The following LDB2 variants were observed in gnomAD, a reference collection of about 807,000 sequenced individuals.
LDB2 encodes the protein LIM domain binding 2, also known as LIM domain-binding protein 2.
Under a neutral mutation model 44.3 loss-of-function variants are expected in LDB2, and 12 were observed. That is an observed-to-expected ratio of 0.27 (90% confidence interval 0.17 to 0.44). LDB2 has a LOEUF of 0.44. Among genes scored for constraint, LDB2 ranks in the 20% least tolerant of loss-of-function variants. The pLI is 1.00. For missense variants in LDB2, 344 were observed against 473.5 expected (o/e 0.73, Z 2.54); for synonymous variants, 164 against 174.8 (o/e 0.94, Z 0.49).
chr4:16,523,053 G>A (rs191854686), intron 5 of LDB2, among the ~76,000 whole-genome samples: 1 of 152,216 alleles, frequency 6.6e-6, no homozygotes. Context: ...GACATTGACT[G>A]TCTATTGTCT....
intron 2 of LDB2, among the ~76,000 whole-genome samples, chr4:16,680,992 C>A (rs189626162): frequency 6.6e-6 from 1 of 152,142 alleles, no homozygotes; most frequent in African/African-American, 2.4e-5. Context: ...AAAGATGCGC[C>A]TCAGGACTAC....
At position 16,739,666 on chromosome 4, in the gene LDB2, ATATACATATGTGTG is replaced by A. The variant is rs1338797258; in HGVS notation, c.235+19478_235+19491del. Among the ~76,000 whole-genome samples, 670 of 90,054 alleles carry A rather than the reference ATATACATATGTGTG, an allele frequency of 7.4e-3. 107 individuals are homozygous for A. The East Asian group carries it at 0.082, about 11-fold the overall frequency. 59.1% of individuals were successfully genotyped at this position (90,054 alleles called of 152,430 possible). On this transcript the variant is annotated intron_variant, in intron 2 of 7. Coordinates refer to ENST00000304523, the MANE Select transcript of LDB2 (RefSeq NM_001290.5). ...TATACATATGTGTGTATATATGTAT[ATATACATATGTGTG>A]TATATATGTATATATACATATATGT...
chr4:16,503,184 A>G (rs1717991456), intron 7 of LDB2: 8 of 1,526,112 alleles, frequency 5.2e-6, no homozygotes, highest in Admixed American at 2.0e-5. Flanking sequence ...CATGCTTTCA[A>G]CTTGCCGACA....
At chr4:16,604,479 TTA>T (rs918253467) in intron 2 of LDB2, among the ~76,000 whole-genome samples, 3 of 149,514 alleles carry the variant, frequency 2.0e-5, no homozygotes, top group African/African-American at 2.4e-5. Context: ...ATATATATTC[TTA>T]TATATATATA....
chr4:16,727,618 GA>G (rs2152692037), intron 2 of LDB2, among the ~76,000 whole-genome samples: 1 of 152,316 alleles, frequency 6.6e-6, no homozygotes, highest in African/African-American at 2.4e-5. Context: ...TTGCTTTGAA[GA>G]GAGGTACTTT....
intron 5 of LDB2, among the ~76,000 whole-genome samples, chr4:16,547,657 C>G (rs916907375): frequency 9.9e-5 from 15 of 152,142 alleles, no homozygotes; most frequent in African/African-American, 3.6e-4. Flanking sequence ...GAACTACTTA[C>G]ACAACCAACC....
intron 1 of LDB2, among the ~76,000 whole-genome samples, chr4:16,826,141 TGATA>T (rs1181415714): frequency 6.6e-6 from 1 of 151,962 alleles, no homozygotes; most frequent in Non-Finnish European, 1.5e-5. Context: ...GAGATAAAGA[TGATA>T]GATATAGATA....
chr4:16,543,652 A>G (rs1734684635), intron 5 of LDB2, among the ~76,000 whole-genome samples: 2 of 152,252 alleles, frequency 1.3e-5, no homozygotes, highest in Non-Finnish European at 1.5e-5. Flanking sequence ...ACCTAAAACC[A>G]TAAAAACCCT....
chr4:16,823,099 A>G (rs1782415333), intron 1 of LDB2, among the ~76,000 whole-genome samples: 1 of 152,176 alleles, frequency 6.6e-6, no homozygotes, highest in Admixed American at 6.5e-5. Flanking sequence ...TATAAGCACA[A>G]TTTGTCTGTC....
intron 3 of LDB2, among the ~76,000 whole-genome samples, chr4:16,595,387 A>G (rs555121664): frequency 6.6e-6 from 1 of 152,298 alleles, no homozygotes; most frequent in Non-Finnish European, 1.5e-5. Flanking sequence ...TCTTTCAGCT[A>G]TAGTAGATCT....
At chr4:16,619,890 G>A (rs1213731707) in intron 2 of LDB2, among the ~76,000 whole-genome samples, 3 of 151,030 alleles carry the variant, frequency 2.0e-5, no homozygotes, top group African/African-American at 4.9e-5. Context: ...TAATAGTAAG[G>A]AAAATTAAAA....
At chr4:16,687,256 G>A (rs1438420823) in intron 2 of LDB2, among the ~76,000 whole-genome samples, 1 of 152,156 alleles carries the variant, frequency 6.6e-6, no homozygotes, top group Non-Finnish European at 1.5e-5. Flanking sequence ...TAGGAAGTAA[G>A]GGCTTTGGAA....
At chr4:16,614,573 G>GAAAAA (rs1282791131) in intron 2 of LDB2, among the ~76,000 whole-genome samples, 19 of 26,746 alleles carry the variant, frequency 7.1e-4, no homozygotes, top group Non-Finnish European at 1.2e-3. Flanking sequence ...ACATTTACAA[G>GAAAAA]AAAAAACAAA....
intron 1 of LDB2, among the ~76,000 whole-genome samples, chr4:16,853,007 C>A (rs923196849): frequency 2.6e-5 from 4 of 152,136 alleles, no homozygotes; most frequent in African/African-American, 9.7e-5. Flanking sequence ...TAGAAAGCAA[C>A]CAAAAGAAAG....
At chr4:16,849,202 A>G (rs1787696083) in intron 1 of LDB2, among the ~76,000 whole-genome samples, 1 of 152,118 alleles carries the variant, frequency 6.6e-6, no homozygotes, top group Non-Finnish European at 1.5e-5. Flanking sequence ...CTCTCCCAAG[A>G]TGCTCACAGG....
rs112632506 is a variant in LDB2 at position 16,555,684 on chromosome 4, T to C, written c.615+30238A>G. On this transcript the variant is annotated intron_variant, in intron 5 of 7. Coordinates refer to ENST00000304523, the MANE Select transcript of LDB2 (RefSeq NM_001290.5). ...TCCTTTCCTCTGCCTGGAAGCTTTC[T>C]CTGATCCTCTAAGGTGGAGGCTCTC... Among the ~76,000 whole-genome samples, 49 of 152,228 alleles carry C rather than the reference T, an allele frequency of 3.2e-4. 1 individual carries two copies. The highest frequency in any genetic ancestry group is 8.8e-5 in the Non-Finnish European group (6 of 68,042).
At chr4:16,509,079 T>A (rs1394176275) in intron 6 of LDB2, among the ~76,000 whole-genome samples, 1 of 152,194 alleles carries the variant, frequency 6.6e-6, no homozygotes. Context: ...GAGAGAGGAC[T>A]CCTGGGATCC....
chr4:16,642,827 A>T (rs1286462647), intron 2 of LDB2, among the ~76,000 whole-genome samples: 6 of 152,366 alleles, frequency 3.9e-5, no homozygotes, highest in Non-Finnish European at 7.3e-5. Context: ...CAGTGAATAG[A>T]CATTGGACAA....
chr4:16,804,786 CA>C (rs1425897377), intron 1 of LDB2, among the ~76,000 whole-genome samples: 4 of 152,176 alleles, frequency 2.6e-5, no homozygotes, highest in Admixed American at 2.6e-4. Context: ...GCTGATTTCT[CA>C]TTTTTTTTCT....
Sources: gnomAD v4.1 joint callset for allele counts (sites outside exome capture counted in the v4.1 genomes callset) on GRCh38, gnomAD v4.1.1 for gene constraint, MANE v1.5 for transcripts, NCBI Gene and HGNC (gene_info 2026-07-23, HGNC 2026-07-21) for gene names.